CREB5: variants seen among roughly 807,000 people sequenced by gnomAD.
CREB5 encodes cAMP responsive element binding protein 5.
A neutral mutation model predicts 57.1 loss-of-function variants in CREB5; 19 were observed. The ratio of observed to expected loss-of-function variants is 0.33; its 90% confidence interval spans 0.23 to 0.49. CREB5 has a LOEUF of 0.49. CREB5 is among the 20% of genes least tolerant of loss of function. The probability of loss-of-function intolerance (pLI) is 0.99; values close to 1 mark genes in which losing one functional copy is unlikely to be tolerated. For missense variants in CREB5, 579 were observed against 671.6 expected (o/e 0.86, Z 1.52); for synonymous variants, 238 against 238.3 (o/e 1.00, Z 0.01).
At chr7:28,476,302 G>A (rs975348981) in intron 1 of CREB5, among the ~76,000 whole-genome samples, 1 of 152,130 alleles carries the variant, frequency 6.6e-6, no homozygotes, top group Non-Finnish European at 1.5e-5. Flanking sequence ...AACATCCTTT[G>A]GAATCTTCAA....
chr7:28,742,332 C>T lies in CREB5; in HGVS notation c.702+18000C>T, dbSNP rs891865865. On this transcript the variant is annotated intron_variant, in intron 7 of 10. Coordinates refer to ENST00000357727, the MANE Select transcript of CREB5 (RefSeq NM_182898.4). ...CTGTAATCCCAGCACTTTGGGAGGC[C>T]GAGGCGGGCAGATCATGAGGTCAGG... 7.2e-5 allele frequency among the ~76,000 whole-genome samples: 11 copies of T among 151,806 alleles called. No homozygotes were observed. The East Asian group carries it at 9.8e-4, about 14-fold the overall frequency.
At chr7:28,443,987 A>C (rs1789313300) in intron 1 of CREB5, among the ~76,000 whole-genome samples, 1 of 152,168 alleles carries the variant, frequency 6.6e-6, no homozygotes, top group African/African-American at 2.4e-5. Flanking sequence ...CAGTGGTGCT[A>C]GGTGATTTGA....
intron 7 of CREB5, among the ~76,000 whole-genome samples, chr7:28,801,977 C>T (rs1228884386): frequency 6.9e-6 from 1 of 145,556 alleles, no homozygotes; most frequent in African/African-American, 2.6e-5. Context: ...CCCAGCTACT[C>T]AGGAGGCTGA....
intron 4 of CREB5, among the ~76,000 whole-genome samples, chr7:28,544,862 C>T (rs914513881): frequency 1.3e-5 from 2 of 152,166 alleles, no homozygotes; most frequent in African/African-American, 4.8e-5. Flanking sequence ...TCCATTAATC[C>T]AGTCAGTGTG....
intron 7 of CREB5, among the ~76,000 whole-genome samples, chr7:28,800,505 G>A (rs900510243): frequency 2.6e-5 from 4 of 152,226 alleles, no homozygotes; most frequent in African/African-American, 9.6e-5. Context: ...AAGGGTTAAA[G>A]CCAAGGGTGA....
intron 7 of CREB5, among the ~76,000 whole-genome samples, chr7:28,803,233 CAAAAG>C (rs1808475101): frequency 6.6e-6 from 1 of 151,962 alleles, no homozygotes; most frequent in Non-Finnish European, 1.5e-5. Context: ...TTCTCAAAGT[CAAAAG>C]AAAGCTATTG....
At chr7:28,435,695 G>A (rs1426874731) in intron 1 of CREB5, 1 of 983,874 alleles carries the variant, frequency 1.0e-6, no homozygotes, top group Non-Finnish European at 1.2e-6. Context: ...CAGGGTAAGT[G>A]GTGGGGTTGT....
chr7:28,570,571 G>A (rs751599607), intron 5 of CREB5, 34 bp downstream of exon 5: 1 of 1,599,006 alleles, frequency 6.3e-7, no homozygotes, highest in South Asian at 1.1e-5. Flanking sequence ...CCTGGGTCCT[G>A]GCTGGAACTC....
rs555016299 is a variant in CREB5, at chr7:28,789,515, T to G, written c.703-14684T>G. ...GCAAGTGCTTTGGAAACACCCTGCC[T>G]TATCAGCACTCTATAAAATGTTCTC... On this transcript the variant is annotated intron_variant, in intron 7 of 10. Coordinates refer to ENST00000357727, the MANE Select transcript of CREB5 (RefSeq NM_182898.4). Among the ~76,000 whole-genome samples the G allele has an allele frequency of 6.2e-4, 94 of 152,304 alleles. 1 individual carries two copies. The highest frequency in any genetic ancestry group is 2.2e-3 in the African/African-American group (91 of 41,562).
chr7:28,638,334 G>C (rs1798511377), intron 5 of CREB5, among the ~76,000 whole-genome samples: 1 of 19,560 alleles, frequency 5.1e-5, no homozygotes, highest in South Asian at 1.2e-3. Flanking sequence ...TGCTAGGAAG[G>C]TTTGCATATT....
chr7:28,365,854 T>C (rs866652144), intron 1 of CREB5, among the ~76,000 whole-genome samples: 1 of 152,346 alleles, frequency 6.6e-6, no homozygotes, highest in East Asian at 1.9e-4. Flanking sequence ...ATAGCACCTA[T>C]AAAAATTTTG....
At chr7:28,343,312 T>C (rs1470050106) in intron 1 of CREB5, among the ~76,000 whole-genome samples, 1 of 152,232 alleles carries the variant, frequency 6.6e-6, no homozygotes, top group African/African-American at 2.4e-5. Flanking sequence ...TTATTAATCC[T>C]GTCTAACCGT....
At chr7:28,780,530 T>C (rs1217324975) in intron 7 of CREB5, among the ~76,000 whole-genome samples, 2 of 152,152 alleles carry the variant, frequency 1.3e-5, no homozygotes, top group East Asian at 3.9e-4. Context: ...GAGACCAGCC[T>C]GCCCAATGTG....
chr7:28,354,055 T>C (rs1786291588), intron 1 of CREB5, among the ~76,000 whole-genome samples: 1 of 152,138 alleles, frequency 6.6e-6, no homozygotes, highest in African/African-American at 2.4e-5. Flanking sequence ...AAGAGGGACT[T>C]GATCAGAATA....
chr7:28,797,691 G>A (rs894282202), intron 7 of CREB5, among the ~76,000 whole-genome samples: 2 of 152,098 alleles, frequency 1.3e-5, no homozygotes, highest in Non-Finnish European at 1.5e-5. Flanking sequence ...TCTGTCTATC[G>A]CCACATCTCC....
intron 8 of CREB5, 149 bp from the exon 9 acceptor site, chr7:28,809,038 T>C (rs1239147210): frequency 9.2e-6 from 6 of 651,712 alleles, no homozygotes; most frequent in African/African-American, 5.5e-5. Context: ...GATTTCATCG[T>C]CTGTTTCATT....
At chr7:28,686,095 A>T (rs910796715) in intron 5 of CREB5, 2 of 1,602,394 alleles carry the variant, frequency 1.2e-6, no homozygotes, top group South Asian at 2.2e-5. Flanking sequence ...GATATGACTC[A>T]CTCAAGCTAG....
At chr7:28,713,084 G>T (rs371977996) in intron 5 of CREB5, among the ~76,000 whole-genome samples, 1 of 151,674 alleles carries the variant, frequency 6.6e-6, no homozygotes, top group Non-Finnish European at 1.5e-5. Context: ...ATAAAGTCTC[G>T]CTCTGTTGCC....
chr7:28,446,876 T>C (rs1789504358), intron 1 of CREB5, among the ~76,000 whole-genome samples: 1 of 152,192 alleles, frequency 6.6e-6, no homozygotes, highest in Non-Finnish European at 1.5e-5. Context: ...AGTCATTTAT[T>C]GAGAGCCTAC....
Sources: allele counts gnomAD v4.1 joint callset (sites outside exome capture counted in the v4.1 genomes callset), GRCh38; gene constraint gnomAD v4.1.1; transcripts MANE v1.5; gene names NCBI Gene and HGNC (gene_info 2026-07-23, HGNC 2026-07-21).